The following KLKB1 variants were observed in gnomAD, a reference collection of about 807,000 sequenced individuals.
The protein encoded by KLKB1 is plasma kallikrein.
In KLKB1, 58 loss-of-function variants were observed where a neutral mutation model predicts 73.6. That is an observed-to-expected ratio of 0.79 (90% confidence interval 0.64 to 0.98). The LOEUF (loss-of-function observed/expected upper bound fraction) is 0.98, where lower values mean the gene tolerates loss of function less well. Among genes scored for constraint, KLKB1 ranks in the 50% least tolerant of loss-of-function variants. The pLI, the probability that KLKB1 is intolerant of heterozygous loss-of-function variation, is 0.00. For missense variants in KLKB1, 737 were observed against 763.8 expected, an observed-to-expected ratio of 0.96 and a Z score of 0.41; for synonymous variants, 280 against 258.1, an observed-to-expected ratio of 1.08 and a Z score of -0.81.
intron 11 of KLKB1, among the ~76,000 whole-genome samples, chr4:186,254,234 A>G (rs1738861758): frequency 6.6e-6 from 1 of 152,246 alleles, no homozygotes; most frequent in South Asian, 2.1e-4. Context: ...AATTTAGTGG[A>G]GCAATGAGGT....
At chr4:186,251,196 T>C (rs1276686500) in intron 7 of KLKB1, 23 bp from the exon 8 acceptor site, 1 of 1,493,004 alleles carries the variant, frequency 6.7e-7, no homozygotes, top group East Asian at 2.3e-5. Context: ...TCTTTCTCTC[T>C]TGCTTTTTTT....
chr4:186,233,519 C>T (rs1305048933), intron 3 of KLKB1, among the ~76,000 whole-genome samples: 1 of 152,158 alleles, frequency 6.6e-6, no homozygotes, highest in Non-Finnish European at 1.5e-5. Context: ...TGAAGGTGGA[C>T]ATCTAAGACA....
chr4:186,216,746 G>A (rs1371770893), intron 2 of KLKB1, among the ~76,000 whole-genome samples: 2 of 152,108 alleles, frequency 1.3e-5, no homozygotes, highest in Non-Finnish European at 2.9e-5. Flanking sequence ...GTCCTTCCCC[G>A]TGACCCATCT....
In KLKB1 at chr4:186,251,682, A is replaced by G. The variant is rs757971312; in HGVS notation, c.1031+33A>G. 5 of 1,609,648 alleles carry G rather than the reference A, an allele frequency of 3.1e-6. No individual in the cohort carries two copies. In the African/African-American group the frequency reaches 6.7e-5, roughly 22 times the overall value. ...AAATTTTATTTTTCAAAGACAGTTG[A>G]CATGACCATTTCATATTCTCTTTCC... On this transcript the variant is annotated intron_variant, in intron 9 of 14. Coordinates refer to ENST00000264690, the MANE Select transcript of KLKB1 (RefSeq NM_000892.5).
At chr4:186,222,477 A>G (rs919613269), upstream of KLKB1, among the ~76,000 whole-genome samples, 2 of 152,190 alleles carry the variant, frequency 1.3e-5, no homozygotes, top group African/African-American at 4.8e-5. Flanking sequence ...AAAATATTTC[A>G]TAGTTATAAC....
rs530670776 is a variant in KLKB1 at position 186,257,908 on chromosome 4, G to C, written c.1726-113G>C. 143 of 961,640 alleles carry C rather than the reference G, an allele frequency of 1.5e-4. 2 individuals carry two copies. In the South Asian group the frequency reaches 1.9e-3, roughly 13 times the overall value. The allele number at this position is 961,640 out of a possible 1,614,324, so 59.6% of individuals were successfully genotyped here. A position where few individuals can be genotyped will look rare whatever the true frequency, so the allele number is the denominator to read the frequency against. On this transcript the variant is annotated intron_variant, in intron 14 of 14. Transcript: ENST00000264690. ...CCCATCTCTACAAAAAAATATGAAA[G>C]TATCTGTGTGTGTGTGTTGCTGTGT...
In KLKB1 at chr4:186,258,081, A is replaced by G; in HGVS notation, c.1786A>G (p.Thr596Ala). ...TGGAATGTGGCGTTTGGTGGGCATC[A>G]CCAGCTGGGGTGAAGGCTGTGCCCG... ...HNGMWRLVGI[T>A]SWGEGCARRE... is the part of the protein sequence containing the mutation. Residue 596 changes from threonine (T) to alanine (A), a missense_variant, in exon 15 of 15, where the codon ACC becomes GCC. Transcript: ENST00000264690. 1.9e-6 allele frequency: 3 copies of G among 1,614,110 alleles called. No individual in the cohort carries two copies. Among genetic ancestry groups the G allele is most frequent in the Non-Finnish European group, 2.5e-6 (3 of 1,179,998 alleles).
At position 186,252,777 on chromosome 4, in the gene KLKB1, T is replaced by C. The variant is rs187975132; in HGVS notation, c.1313+592T>C. ...ATCCCACCACCAATCCCTGATGTGT[T>C]CTTCAAAGACTTATTTGTCAGGCCC... On this transcript the variant is annotated intron_variant, in intron 11 of 14. Coordinates refer to ENST00000264690, the MANE Select transcript of KLKB1 (RefSeq NM_000892.5). 4.4e-3 allele frequency among the ~76,000 whole-genome samples: 672 copies of C among 151,896 alleles called. 6 individuals are homozygous for C. Among genetic ancestry groups the C allele is most frequent in the African/African-American group, 0.015 (629 of 41,454 alleles).
intron 2 of KLKB1, among the ~76,000 whole-genome samples, chr4:186,216,098 T>C (rs1736895660): frequency 6.6e-6 from 1 of 152,226 alleles, no homozygotes; most frequent in African/African-American, 2.4e-5. Flanking sequence ...ATTTTCAGTG[T>C]CATCTAAGAC....
chr4:186,253,265 CA>C (rs1057418832), intron 11 of KLKB1, among the ~76,000 whole-genome samples: 4 of 151,094 alleles, frequency 2.6e-5, no homozygotes, highest in Non-Finnish European at 5.9e-5. Context: ...TGATTTTTCT[CA>C]AAAATAAACA....
At chr4:186,222,965 C>T (rs188775029), upstream of KLKB1, among the ~76,000 whole-genome samples, 64 of 152,244 alleles carry the variant, frequency 4.2e-4, no homozygotes, top group Admixed American at 9.2e-4. Context: ...GATTGGATCA[C>T]GAGGTGTTTT....
chr4:186,244,491 C>T (rs911452685), intron 6 of KLKB1, among the ~76,000 whole-genome samples: 1 of 152,168 alleles, frequency 6.6e-6, no homozygotes, highest in African/African-American at 2.4e-5. Context: ...TGTGGCAGTA[C>T]AGCCCAAGTA....
intron 2 of KLKB1, 30 bp from the exon 3 acceptor site, chr4:186,232,097 C>A (rs542759899): frequency 6.4e-7 from 1 of 1,561,716 alleles, no homozygotes; most frequent in African/African-American, 1.4e-5. Context: ...TATGAATTAT[C>A]GCAAATTAAT....
At chr4:186,225,346 T>C (rs1737131781), upstream of KLKB1, among the ~76,000 whole-genome samples, 2 of 152,154 alleles carry the variant, frequency 1.3e-5, no homozygotes, top group Non-Finnish European at 2.9e-5. Context: ...AATAATCTTA[T>C]GAAGCTTCCC....
chr4:186,244,985 T>C (rs551681934), intron 6 of KLKB1, among the ~76,000 whole-genome samples: 5 of 152,050 alleles, frequency 3.3e-5, no homozygotes, highest in African/African-American at 1.2e-4. Context: ...AAGGGGAGGA[T>C]GTGAAGGAGG....
At chr4:186,246,735 T>G (rs1251836942) in intron 6 of KLKB1, among the ~76,000 whole-genome samples, 1 of 150,718 alleles carries the variant, frequency 6.6e-6, no homozygotes, top group Non-Finnish European at 1.5e-5. Context: ...GGTGGGGGGG[T>G]GCTTGCCCCC....
chr4:186,255,695 A>C (rs760871465), intron 12 of KLKB1, among the ~76,000 whole-genome samples: 4 of 152,246 alleles, frequency 2.6e-5, no homozygotes, highest in Non-Finnish European at 5.9e-5. Flanking sequence ...TGCTATGACT[A>C]TTAAGGATAG....
chr4:186,227,991 A>G lies in KLKB1; in HGVS notation c.-1-204A>G, dbSNP rs568635980. Among the ~76,000 whole-genome samples, 9 of 152,308 alleles carry G rather than the reference A, an allele frequency of 5.9e-5. No homozygotes were observed. The South Asian group carries it at 1.9e-3, about 32-fold the overall frequency. On this transcript the variant is annotated intron_variant, in intron 1 of 14. Coordinates refer to ENST00000264690, the MANE Select transcript of KLKB1 (RefSeq NM_000892.5). ...AACACAACAGTAGTCTGGAGGTCTC[A>G]ATTTGTATCTTGGGAAGCATTATAA...
At chr4:186,230,575 A>G (rs1026287668) in intron 2 of KLKB1, among the ~76,000 whole-genome samples, 4 of 152,220 alleles carry the variant, frequency 2.6e-5, no homozygotes, top group Admixed American at 1.3e-4. Context: ...TATCATTGTC[A>G]TGGTCATCAT....
Sources: gnomAD v4.1 joint callset for allele counts (sites outside exome capture counted in the v4.1 genomes callset) on GRCh38, gnomAD v4.1.1 for gene constraint, MANE v1.5 for transcripts, NCBI Gene and HGNC (gene_info 2026-07-23, HGNC 2026-07-21) for gene names.